The following NKX6-3 variants were observed in gnomAD, a reference collection of about 807,000 sequenced individuals.
NKX6-3 encodes NK6 homeobox 3.
Under a neutral mutation model 22.0 loss-of-function variants are expected in NKX6-3, and 17 were observed. That is an observed-to-expected ratio of 0.77 (90% CI 0.53 to 1.16). The LOEUF is 1.16. Ranked by LOEUF, NKX6-3 falls within the 50% of genes most tolerant of loss-of-function variation. NKX6-3 has a pLI of 0.00. For missense variants in NKX6-3, 363 were observed against 359.0 expected, an observed-to-expected ratio of 1.01 and a Z score of -0.09; for synonymous variants, 177 against 167.2, an observed-to-expected ratio of 1.06 and a Z score of -0.45.
At chr8:41,647,485 G>T in intron 2 of NKX6-3, 3 of 893,854 alleles carry the variant, frequency 3.4e-6, no homozygotes, top group Non-Finnish European at 3.3e-6. Flanking sequence ...GTGTGGAGTG[G>T]GAGAGCCTGG....
chr8:41,649,256 G>T (rs956690558), intron 1 of NKX6-3, among the ~76,000 whole-genome samples: 1 of 152,138 alleles, frequency 6.6e-6, no homozygotes, highest in Non-Finnish European at 1.5e-5. Context: ...GTGTGCTTTT[G>T]GGGTTCCCTA....
At chr8:41,649,946 G>A (rs1007971016) in intron 1 of NKX6-3, among the ~76,000 whole-genome samples, 165 bp downstream of exon 1, 5 of 152,270 alleles carry the variant, frequency 3.3e-5, no homozygotes, top group Admixed American at 6.5e-5. Context: ...AAGGAGGAGA[G>A]GGTGGAACTC....
intron 2 of NKX6-3, chr8:41,647,445 G>A: frequency 7.2e-7 from 1 of 1,379,746 alleles, no homozygotes; most frequent in Non-Finnish European, 9.7e-7. Flanking sequence ...GTTTCCCCGG[G>A]TCTATTTAGG....
At position 41,650,648 on chromosome 8, in the gene NKX6-3, G is replaced by GC. The variant is rs1804300953; in HGVS notation, c.-157_-156insG. On this transcript the variant is annotated 5_prime_UTR_variant, in exon 1 of 3. Transcript: ENST00000518699. ...AGGCATGGGCCAGGCCCTGGCCCAG[G>GC]AACCGGCACCCGATCAGCTGCTCGG... 1.3e-6 allele frequency: 1 copy of GC among 775,488 alleles called. No homozygotes were observed. The highest frequency in any genetic ancestry group is 1.8e-5 in the African/African-American group (1 of 56,730). The allele number at this position is 775,488 out of a possible 1,614,324, so 48.0% of individuals were successfully genotyped here.
rs1340272348 is a variant in NKX6-3, at chr8:41,645,352, G to A, written c.*1097C>T. The stretch of plus-strand genomic sequence containing the variant: ...TCACCCGGGTGAAAAATACCACCCT[G>A]TTGGCCAGCGTCCCTGTCAGCACCA... On this transcript the variant is annotated 3_prime_UTR_variant, in exon 3 of 3. Transcript: ENST00000518699. 6.6e-6 allele frequency: 1 copy of A among 150,682 alleles called. No individual in the cohort carries two copies. Among genetic ancestry groups the A allele is most frequent in the Non-Finnish European group, 1.5e-5 (1 of 67,862 alleles). 9.3% of individuals were successfully genotyped at this position (150,682 alleles called of 1,614,324 possible).
rs867508090 is a variant in NKX6-3 at position 41,646,620 on chromosome 8, G to A, written c.627C>T (p.Ala209=). 9 of 1,559,234 alleles carry A rather than the reference G, an allele frequency of 5.8e-6. No homozygotes were observed. The Middle Eastern group carries it at 1.5e-3, about 260-fold the overall frequency. The change falls in exon 3 of 3, where the codon GCC becomes GCT. Residue 209 remains alanine, a synonymous_variant. Coordinates refer to ENST00000518699, the MANE Select transcript of NKX6-3 (RefSeq NM_001364841.2). ...CTGCGCCTGCACCCGCGCCGCCCGGGGCCCGGGGCGTGGAGGACGAGGGCT... is the reference window on the plus strand; with the variant it reads ...CTGCGCCTGCACCCGCGCCGCCCGGAGCCCGGGGCGTGGAGGACGAGGGCT... The part of the protein sequence containing the change: ...ALEPSSSTPR[A]PGGAGAGAGG...
chr8:41,646,461 C>A lies in NKX6-3; in HGVS notation c.786G>T (p.Ala262=), dbSNP rs972668953. The change falls in exon 3 of 3, where the codon GCG becomes GCT. Residue 262 remains alanine, a synonymous_variant. Coordinates refer to ENST00000518699, the MANE Select transcript of NKX6-3 (RefSeq NM_001364841.2). ...RAAFSVLSLG[A]HSV is the part of the protein sequence containing the mutation. ...TGGACGGCGGGCGTCAGACGCTGTGCGCTCCCAGGCTGAGCACCGAGAAGG... is the reference window on the plus strand; with the variant it reads ...TGGACGGCGGGCGTCAGACGCTGTGAGCTCCCAGGCTGAGCACCGAGAAGG... 1 of 1,598,958 alleles carries A rather than the reference C, an allele frequency of 6.3e-7. No individual in the cohort carries two copies. The highest frequency in any genetic ancestry group is 1.1e-5 in the South Asian group (1 of 88,922).
chr8:41,650,264 CG>C lies in NKX6-3; in HGVS notation c.228del (p.His76GlnfsTer19). On this transcript the variant is annotated frameshift_variant, in exon 1 of 3. Transcript: ENST00000518699. LOFTEE classifies it high-confidence loss of function. ...PNNSLLSGYP[H>X]VAGFGGLSSQ... ...GAGCTGAGCCCCCCAAAGCCTGCCA[CG>C]TGGGGGTAGCCGGAGAGGAGGCTGT... 3 of 1,533,450 alleles carry C rather than the reference CG, an allele frequency of 2.0e-6. No individual in the cohort carries two copies. Among genetic ancestry groups the C allele is most frequent in the Non-Finnish European group, 2.6e-6 (3 of 1,145,516 alleles). 95.0% of individuals were successfully genotyped at this position (1,533,450 alleles called of 1,614,324 possible).
At chr8:41,649,499 GC>G (rs1198040226) in intron 1 of NKX6-3, among the ~76,000 whole-genome samples, 3 of 152,172 alleles carry the variant, frequency 2.0e-5, no homozygotes, top group African/African-American at 7.2e-5. Context: ...CTGAGAAGAG[GC>G]CCCCTGCTTC....
rs1388090946 is a variant in NKX6-3 at position 41,650,656 on chromosome 8, A to C, written c.-164T>G. 14 of 675,134 alleles carry C rather than the reference A, an allele frequency of 2.1e-5. No homozygotes were observed. The highest frequency in any genetic ancestry group is 3.2e-5 in the Non-Finnish European group (13 of 411,782). The allele number at this position is 675,134 out of a possible 1,614,324, so 41.8% of individuals were successfully genotyped here. Reference sequence around the variant, plus strand: ...GCCAGGCCCTGGCCCAGGAACCGGCACCCGATCAGCTGCTCGGAAGTCAGG... The same window carrying C: ...GCCAGGCCCTGGCCCAGGAACCGGCCCCCGATCAGCTGCTCGGAAGTCAGG... On this transcript the variant is annotated 5_prime_UTR_variant, in exon 1 of 3. Transcript: ENST00000518699.
Position 41,650,184 on chromosome 8 carries a change from C to G in NKX6-3, c.309G>C (p.Glu103Asp). The change falls in exon 1 of 3, where the codon GAG (glutamate) becomes GAC (aspartate). Residue 103 changes from glutamate to aspartate, a missense_variant. By Grantham distance (45) the Glu-to-Asp change is conservative (BLOSUM62 2). Transcript: ENST00000518699. Reference sequence around the variant, plus strand: ...AGCAGTTCCGGGTCCGGGTCGGGTACTCGTTCCCAGCCTTGGAAAAATTCC... The same window carrying G: ...AGCAGTTCCGGGTCCGGGTCGGGTAGTCGTTCCCAGCCTTGGAAAAATTCC... ...QVGNFSKAGNEYPTRTRNCWA... is the reference protein window; with the variant it reads ...QVGNFSKAGNDYPTRTRNCWA... 6.5e-7 allele frequency: 1 copy of G among 1,535,414 alleles called. No individual in the cohort carries two copies. Among genetic ancestry groups the G allele is most frequent in the Admixed American group, 2.0e-5 (1 of 50,920 alleles).
At position 41,646,617 on chromosome 8, in the gene NKX6-3, C is replaced by T. The variant is rs1032114690; in HGVS notation, c.630G>A (p.Pro210=). Reference sequence around the variant, plus strand: ...CGCCTGCGCCTGCACCCGCGCCGCCCGGGGCCCGGGGCGTGGAGGACGAGG... The same window carrying T: ...CGCCTGCGCCTGCACCCGCGCCGCCTGGGGCCCGGGGCGTGGAGGACGAGG... ...LEPSSSTPRA[P]GGAGAGAGGD... Residue 210 remains proline (P), a synonymous_variant, in exon 3 of 3, where the codon CCG becomes CCA. Coordinates refer to ENST00000518699, the MANE Select transcript of NKX6-3 (RefSeq NM_001364841.2). The T allele has an allele frequency of 6.4e-6, 10 of 1,558,626 alleles. No homozygotes were observed. In the African/African-American group the frequency reaches 1.1e-4, roughly 17 times the overall value.
chr8:41,650,194 G>T lies in NKX6-3; in HGVS notation c.299C>A (p.Ala100Asp), dbSNP rs1322282365. The T allele has an allele frequency of 6.5e-7, 1 of 1,535,144 alleles. No individual in the cohort carries two copies. The highest frequency in any genetic ancestry group is 8.7e-7 in the Non-Finnish European group (1 of 1,146,458). The part of the protein sequence containing the change: ...YSPQVGNFSK[A>D]GNEYPTRTRN... ...GGTCCGGGTCGGGTACTCGTTCCCA[G>T]CCTTGGAAAAATTCCCTACCTGGGG... Residue 100 changes from alanine (A) to aspartate (D), a missense_variant, in exon 1 of 3, where the codon GCT (alanine) becomes GAT (aspartate). Physicochemically the swap from Ala to Asp is moderately radical, Grantham distance 126. Around this residue, in one of 3 missense-constraint regions of NKX6-3, gnomAD observed 175 missense variants for 160.9 expected, o/e 1.09. Coordinates refer to ENST00000518699, the MANE Select transcript of NKX6-3 (RefSeq NM_001364841.2).
chr8:41,649,620 CT>C (rs1804275238), intron 1 of NKX6-3, among the ~76,000 whole-genome samples: 1 of 152,224 alleles, frequency 6.6e-6, no homozygotes, highest in South Asian at 2.1e-4. Flanking sequence ...CAACAGCCCC[CT>C]GGCTCAAAGG....
In NKX6-3 at chr8:41,650,048, T is replaced by A; in HGVS notation, c.382+63A>T. The A allele has an allele frequency of 3.4e-6, 5 of 1,477,666 alleles. No individual in the cohort carries two copies. In the South Asian group the frequency reaches 6.7e-5, roughly 20 times the overall value. 91.5% of individuals were successfully genotyped at this position (1,477,666 alleles called of 1,614,324 possible). A position where few individuals can be genotyped will look rare whatever the true frequency, so the allele number is the denominator to read the frequency against. ...AGGGTGCCCGGGAGGAGGCCCCTCC[T>A]CGTCCTCTGCCCCCCGGGGCCTGGC... On this transcript the variant is annotated intron_variant, in intron 1 of 2. Coordinates refer to ENST00000518699, the MANE Select transcript of NKX6-3 (RefSeq NM_001364841.2).
chr8:41,650,264 C>G lies in NKX6-3; in HGVS notation c.229G>C (p.Val77Leu), dbSNP rs550795574. 3.3e-6 allele frequency: 5 copies of G among 1,533,450 alleles called. No individual in the cohort carries two copies. The allele number at this position is 1,533,450 out of a possible 1,614,324, so 95.0% of individuals were successfully genotyped here. A position where few individuals can be genotyped will look rare whatever the true frequency, so the allele number is the denominator to read the frequency against. ...GAGCTGAGCCCCCCAAAGCCTGCCACGTGGGGGTAGCCGGAGAGGAGGCTG... is the reference window on the plus strand; with the variant it reads ...GAGCTGAGCCCCCCAAAGCCTGCCAGGTGGGGGTAGCCGGAGAGGAGGCTG... ...NNSLLSGYPH[V>L]AGFGGLSSQG... The change falls in exon 1 of 3, where the codon GTG becomes CTG. Residue 77 changes from valine to leucine, a missense_variant. Around this residue, in one of 3 missense-constraint regions of NKX6-3, gnomAD observed 175 missense variants for 160.9 expected, o/e 1.09. Transcript: ENST00000518699.
rs763156422 is a variant in NKX6-3 at position 41,646,526 on chromosome 8, C to A, written c.721G>T (p.Asp241Tyr). The change falls in exon 3 of 3, where the codon GAC becomes TAC. Residue 241 changes from aspartate (D) to tyrosine (Y), a missense_variant. Around this residue, in one of 3 missense-constraint regions of NKX6-3, gnomAD observed 169 missense variants for 155.8 expected, o/e 1.08. Transcript: ENST00000518699. ...CGCAGCAGCAGGCGGATCTTCTCGT[C>A]GTCCGAGTCGGGGTCCAGCGGCTTG... ...YNKPLDPDSD[D>Y]EKIRLLLRKH... 3.7e-6 allele frequency: 6 copies of A among 1,612,328 alleles called. No individual in the cohort carries two copies. In the South Asian group the frequency reaches 6.6e-5, roughly 18 times the overall value.
chr8:41,650,031 C>T (rs1804284487), intron 1 of NKX6-3, 80 bp downstream of exon 1: 5 of 1,424,178 alleles, frequency 3.5e-6, no homozygotes, highest in Admixed American at 2.4e-5. Context: ...GCAGGGTGCC[C>T]GGGAGGAGGC....
In NKX6-3 at chr8:41,646,698, C is replaced by A. The variant is rs1430662131; in HGVS notation, c.553-4G>T. 1 of 1,537,998 alleles carries A rather than the reference C, an allele frequency of 6.5e-7. No individual in the cohort carries two copies. Among genetic ancestry groups the A allele is most frequent in the Admixed American group, 2.1e-5 (1 of 48,180 alleles). ...TCCTGCGGTTCTGGAACCACACCTG[C>A]GATGAGAAAGAATGTGAAGGGCACA... On this transcript the variant is annotated splice_polypyrimidine_tract_variant and splice_region_variant and intron_variant, in intron 2 of 2. Transcript: ENST00000518699.
Sources: allele counts gnomAD v4.1 joint callset (sites outside exome capture counted in the v4.1 genomes callset), GRCh38; gene constraint gnomAD v4.1.1; regional missense constraint gnomAD v4.1.1; transcripts MANE v1.5; gene names NCBI Gene and HGNC (gene_info 2026-07-23, HGNC 2026-07-21).